Variants in NCAM1 observed in about 807,000 individuals in gnomAD.
The protein encoded by NCAM1 is neural cell adhesion molecule 1, also known as antigen recognized by monoclonal antibody 5.1H11.
A neutral mutation model predicts 109.8 loss-of-function variants in NCAM1; 14 were observed. The observed-to-expected ratio is 0.13, with a 90% CI of 0.08 to 0.20. The LOEUF (loss-of-function observed/expected upper bound fraction) is 0.20, where lower values mean the gene tolerates loss of function less well. NCAM1 is among the 10% of genes least tolerant of loss of function. The pLI, the probability that NCAM1 is intolerant of heterozygous loss-of-function variation, is 1.00. For synonymous variants in NCAM1, 418 were observed against 442.9 expected, an observed-to-expected ratio of 0.94 and a Z score of 0.70; for missense variants, 774 against 1,109.9, an observed-to-expected ratio of 0.70 and a Z score of 4.30.
At chr11:113,027,622 C>T (rs969207786) in intron 1 of NCAM1, among the ~76,000 whole-genome samples, 1 of 152,152 alleles carries the variant, frequency 6.6e-6, no homozygotes, top group East Asian at 1.9e-4. Context: ...CAGCTTCTTT[C>T]GGCATTTAAT....
At chr11:113,001,595 T>C (rs1951756448) in intron 1 of NCAM1, among the ~76,000 whole-genome samples, 1 of 152,180 alleles carries the variant, frequency 6.6e-6, no homozygotes, top group Admixed American at 6.5e-5. Context: ...GCTGGCTCTT[T>C]CAACTGGACA....
chr11:113,059,983 G>A (rs1180880893), intron 1 of NCAM1, among the ~76,000 whole-genome samples: 1 of 152,210 alleles, frequency 6.6e-6, no homozygotes, highest in Non-Finnish European at 1.5e-5. Flanking sequence ...GGAAGAGGGT[G>A]TTTTGCTTAA....
intron 1 of NCAM1, among the ~76,000 whole-genome samples, chr11:113,185,079 T>TATATATATATATATATATATATATATAG: frequency 7.2e-5 from 9 of 125,748 alleles, no homozygotes; most frequent in African/African-American, 2.8e-4. Context: ...TATATATATA[T>TATATATATATATATATATATATATATAG]AGAGAGAGAG....
intron 1 of NCAM1, among the ~76,000 whole-genome samples, chr11:112,998,938 C>T (rs1164029462): frequency 2.0e-5 from 3 of 152,176 alleles, no homozygotes; most frequent in Non-Finnish European, 2.9e-5. Flanking sequence ...TTCAAAGACA[C>T]ATGACCATCA....
chr11:113,052,615 A>G (rs898341843), intron 1 of NCAM1, among the ~76,000 whole-genome samples: 1 of 152,232 alleles, frequency 6.6e-6, no homozygotes, highest in Non-Finnish European at 1.5e-5. Flanking sequence ...CTTACCTCAC[A>G]ATAACTGAAG....
intron 7 of NCAM1, among the ~76,000 whole-genome samples, chr11:113,211,808 A>G (rs1944398136): frequency 6.6e-6 from 1 of 152,190 alleles, no homozygotes; most frequent in South Asian, 2.1e-4. Flanking sequence ...CTAGGGTTGT[A>G]GGAGCATGGA....
chr11:113,190,168 G>A (rs782035481), intron 1 of NCAM1, among the ~76,000 whole-genome samples: 21 of 152,200 alleles, frequency 1.4e-4, no homozygotes, highest in Admixed American at 1.3e-4. Context: ...AGCAGCCAGA[G>A]GCCCTTGCTG....
intron 2 of NCAM1, 24 bp downstream of exon 2, chr11:113,202,477 A>C (rs782145981): frequency 1.9e-6 from 3 of 1,588,804 alleles, no homozygotes; most frequent in Non-Finnish European, 1.7e-6. Context: ...GCTCAGCTGC[A>C]TTTTAGAACT....
At chr11:113,214,346 A>G in intron 7 of NCAM1, 23 bp from the exon 8 acceptor site, 1 of 1,612,014 alleles carries the variant, frequency 6.2e-7, no homozygotes, top group Non-Finnish European at 8.5e-7. Context: ...AGATAAACTC[A>G]GAGAAATGTT....
At chr11:112,999,986 A>C (rs1026386285) in intron 1 of NCAM1, among the ~76,000 whole-genome samples, 1 of 152,200 alleles carries the variant, frequency 6.6e-6, no homozygotes, top group African/African-American at 2.4e-5. Context: ...TTCTATTATA[A>C]AATAAATTCA....
intron 1 of NCAM1, among the ~76,000 whole-genome samples, chr11:113,051,382 G>T (rs955307883): frequency 6.6e-6 from 1 of 152,142 alleles, no homozygotes; most frequent in Non-Finnish European, 1.5e-5. Flanking sequence ...GAAATGAGGT[G>T]TTGGGTTAGA....
intron 1 of NCAM1, among the ~76,000 whole-genome samples, chr11:113,001,330 G>T (rs902621918): frequency 6.6e-6 from 1 of 152,172 alleles, no homozygotes; most frequent in East Asian, 1.9e-4. Flanking sequence ...GGAATTACTG[G>T]ATGTAAGAGA....
intron 14 of NCAM1, among the ~76,000 whole-genome samples, chr11:113,241,769 C>T (rs1417316075): frequency 2.6e-5 from 4 of 152,202 alleles, no homozygotes; most frequent in African/African-American, 9.6e-5. Context: ...GGATGTAATG[C>T]CAGCATCTGC....
At chr11:113,146,632 A>G (rs961617731) in intron 1 of NCAM1, among the ~76,000 whole-genome samples, 7 of 152,232 alleles carry the variant, frequency 4.6e-5, no homozygotes, top group African/African-American at 1.7e-4. Context: ...ATCTGTCTAT[A>G]TTCCAATGGA....
chr11:112,961,501 T>G lies in NCAM1; in HGVS notation c.-112T>G, dbSNP rs1950553173. 1.2e-6 allele frequency: 1 copy of G among 803,450 alleles called. No individual in the cohort carries two copies. Among genetic ancestry groups the G allele is most frequent in the Non-Finnish European group, 2.3e-6 (1 of 439,876 alleles). 49.8% of individuals were successfully genotyped at this position (803,450 alleles called of 1,614,324 possible). On this transcript the variant is annotated 5_prime_UTR_variant, in exon 1 of 20. Transcript: ENST00000316851. Reference sequence around the variant, plus strand: ...TCTGCAAAAATAATCATACTCAGCCTGGCAATTGTCTGCCCCTAGGTCTGT... The same window carrying G: ...TCTGCAAAAATAATCATACTCAGCCGGGCAATTGTCTGCCCCTAGGTCTGT...
intron 1 of NCAM1, among the ~76,000 whole-genome samples, chr11:112,987,622 T>C (rs1177317647): frequency 1.3e-5 from 2 of 152,120 alleles, no homozygotes; most frequent in Non-Finnish European, 2.9e-5. Context: ...ATTAATTGAC[T>C]TCTTTATTAT....
intron 1 of NCAM1, among the ~76,000 whole-genome samples, chr11:113,168,267 T>G (rs1942874584): frequency 6.6e-6 from 1 of 152,326 alleles, no homozygotes; most frequent in Non-Finnish European, 1.5e-5. Context: ...CTATTTGTAT[T>G]TGGTGTCTTG....
intron 14 of NCAM1, chr11:113,236,443 T>G: frequency 2.6e-4 from 235 of 918,642 alleles, no homozygotes; most frequent in Non-Finnish European, 3.8e-4. Context: ...GTCTGGGCCC[T>G]AACCACACTG....
intron 1 of NCAM1, among the ~76,000 whole-genome samples, chr11:113,059,634 A>G (rs1413072928): frequency 1.3e-5 from 2 of 152,202 alleles, no homozygotes; most frequent in African/African-American, 2.4e-5. Flanking sequence ...AGAGTCAGGA[A>G]GAAGCCACAG....
Sources: allele counts gnomAD v4.1 joint callset (sites outside exome capture counted in the v4.1 genomes callset), GRCh38; gene constraint gnomAD v4.1.1; transcripts MANE v1.5; gene names NCBI Gene and HGNC (gene_info 2026-07-23, HGNC 2026-07-21).